The following EPHB2 variants were observed in gnomAD, a reference collection of about 807,000 sequenced individuals.
EPHB2 encodes the protein EPH receptor B2, also known as ephrin type-B receptor 2.
EPHB2 carries 18 observed loss-of-function variants against 96.4 expected under a neutral mutation model. The observed-to-expected ratio is 0.19, with a 90% CI of 0.13 to 0.28. The LOEUF (loss-of-function observed/expected upper bound fraction) is 0.28. EPHB2 is among the 10% of genes least tolerant of loss of function. The pLI is 1.00. For synonymous variants in EPHB2, 506 were observed against 534.1 expected, an observed-to-expected ratio of 0.95 and a Z score of 0.72; for missense variants, 989 against 1,355.4, an observed-to-expected ratio of 0.73 and a Z score of 4.25.
chr1:22,745,577 A>T (rs1408559765), intron 1 of EPHB2, among the ~76,000 whole-genome samples: 1 of 152,190 alleles, frequency 6.6e-6, no homozygotes, highest in Non-Finnish European at 1.5e-5. Context: ...TACCTCGATT[A>T]AAAAAAGCTT....
intron 1 of EPHB2, among the ~76,000 whole-genome samples, chr1:22,744,475 T>TAA (rs1643942176): frequency 6.8e-6 from 1 of 148,048 alleles, no homozygotes; most frequent in Non-Finnish European, 1.5e-5. Context: ...TATATATATA[T>TAA]AATATACTGT....
Position 22,914,302 on chromosome 1 carries a change from C to G in EPHB2, c.*732C>G, listed in dbSNP as rs1255806114. The G allele has an allele frequency of 5.8e-6, 1 of 172,084 alleles. No homozygotes were observed. The highest frequency in any genetic ancestry group is 2.4e-5 in the African/African-American group (1 of 41,646). 10.7% of individuals were successfully genotyped at this position (172,084 alleles called of 1,614,324 possible). A position where few individuals can be genotyped will look rare whatever the true frequency, so the allele number is the denominator to read the frequency against. ...CAGCCTTCCTGAGGATGGGCAACCC[C>G]CAGGTCTGCAGCTCCAGGTACATAT... On this transcript the variant is annotated 3_prime_UTR_variant, in exon 16 of 16. Coordinates refer to ENST00000374630, the MANE Select transcript of EPHB2 (RefSeq NM_017449.5).
intron 1 of EPHB2, among the ~76,000 whole-genome samples, chr1:22,777,687 G>A (rs1372520745): frequency 6.6e-6 from 1 of 152,202 alleles, no homozygotes; most frequent in East Asian, 1.9e-4. Flanking sequence ...CTGTAGCCAC[G>A]GAGCAAGAGA....
At chr1:22,802,292 A>T (rs1423430356) in intron 3 of EPHB2, among the ~76,000 whole-genome samples, 1 of 151,954 alleles carries the variant, frequency 6.6e-6, no homozygotes, top group Non-Finnish European at 1.5e-5. Context: ...CTGTGTCTAC[A>T]GTGGAGTGGG....
chr1:22,754,085 T>C (rs1396701314), intron 1 of EPHB2, among the ~76,000 whole-genome samples: 4 of 152,190 alleles, frequency 2.6e-5, no homozygotes, highest in Non-Finnish European at 2.9e-5. Context: ...CTGAGTGTTC[T>C]GTGGGCTCCT....
intron 3 of EPHB2, among the ~76,000 whole-genome samples, chr1:22,831,886 C>T (rs1212849113): frequency 2.0e-5 from 3 of 152,238 alleles, no homozygotes; most frequent in South Asian, 2.1e-4. Context: ...GAGCTATCCA[C>T]CCCCCTACCT....
chr1:22,743,674 C>T (rs941932067), intron 1 of EPHB2, among the ~76,000 whole-genome samples: 1 of 151,884 alleles, frequency 6.6e-6, no homozygotes, highest in Non-Finnish European at 1.5e-5. Flanking sequence ...GGTTTCACCA[C>T]GTTGGCCAGG....
intron 1 of EPHB2, among the ~76,000 whole-genome samples, chr1:22,779,344 G>A (rs894644078): frequency 6.6e-5 from 10 of 152,220 alleles, no homozygotes; most frequent in South Asian, 4.2e-4. Flanking sequence ...AGTGCAAAGG[G>A]ACACAGTGAC....
rs547500336 is a variant in EPHB2, at chr1:22,781,408, G to C, written c.62-13G>C. 1.9e-6 allele frequency: 3 copies of C among 1,613,508 alleles called. No individual in the cohort carries two copies. In the African/African-American group the frequency reaches 4.0e-5, roughly 22 times the overall value. Reference sequence around the variant, plus strand: ...AGGTGGGGCGGGGTGGTGACTCTTTGCTCTCCCCACAGAAACGCTAATGGA... The same window carrying C: ...AGGTGGGGCGGGGTGGTGACTCTTTCCTCTCCCCACAGAAACGCTAATGGA... On this transcript the variant is annotated splice_polypyrimidine_tract_variant and intron_variant, in intron 1 of 15. Coordinates refer to ENST00000374630, the MANE Select transcript of EPHB2 (RefSeq NM_017449.5).
chr1:22,727,852 A>C (rs1252001090), intron 1 of EPHB2, among the ~76,000 whole-genome samples: 1 of 148,076 alleles, frequency 6.8e-6, no homozygotes, highest in East Asian at 2.0e-4. Flanking sequence ...TGTATTGCCC[A>C]GGCTGGTCTT....
At chr1:22,712,980 G>GC (rs898168161) in intron 1 of EPHB2, among the ~76,000 whole-genome samples, 3 of 152,130 alleles carry the variant, frequency 2.0e-5, no homozygotes, top group African/African-American at 7.2e-5. Context: ...AGATGGAAGG[G>GC]CCACATCTGT....
Position 22,858,683 on chromosome 1 carries a change from G to A in EPHB2, c.812-4354G>A, listed in dbSNP as rs1557717095. On this transcript the variant is annotated intron_variant, in intron 3 of 15. Coordinates refer to ENST00000374630, the MANE Select transcript of EPHB2 (RefSeq NM_017449.5). This position sits in a 1 kb window ranked among gnomAD's most constrained non-coding sequence, Gnocchi z 7.7. ...TGGTGTGGCCCCCCGGGCACTGTGG[G>A]CAGTGGCCACCCAGACCTCTCAGAG... Among the ~76,000 whole-genome samples the A allele has an allele frequency of 6.6e-6, 1 of 152,156 alleles. No homozygotes were observed. The highest frequency in any genetic ancestry group is 2.4e-5 in the African/African-American group (1 of 41,428).
At chr1:22,862,388 C>T (rs1326616360) in intron 3 of EPHB2, among the ~76,000 whole-genome samples, 1 of 152,176 alleles carries the variant, frequency 6.6e-6, no homozygotes, top group Non-Finnish European at 1.5e-5. Flanking sequence ...TGCCATGGGC[C>T]TTACGCTTAA....
At chr1:22,815,431 CT>C (rs1645061483) in intron 3 of EPHB2, among the ~76,000 whole-genome samples, 1 of 152,254 alleles carries the variant, frequency 6.6e-6, no homozygotes, top group South Asian at 2.1e-4. Context: ...CAGAGGAAGC[CT>C]GGCTGGACCC....
At chr1:22,756,723 A>G (rs1211614566) in intron 1 of EPHB2, among the ~76,000 whole-genome samples, 1 of 152,166 alleles carries the variant, frequency 6.6e-6, no homozygotes, top group Non-Finnish European at 1.5e-5. Context: ...CCCCAGAACA[A>G]GGCGGCACCT....
intron 3 of EPHB2, among the ~76,000 whole-genome samples, chr1:22,809,255 T>G (rs1281739117): frequency 2.0e-5 from 3 of 152,190 alleles, no homozygotes; most frequent in Admixed American, 2.0e-4. Flanking sequence ...ATTAACGAGC[T>G]GCTCCCCGGC....
chr1:22,821,893 G>A (rs1350554083), intron 3 of EPHB2, among the ~76,000 whole-genome samples: 9 of 152,196 alleles, frequency 5.9e-5, no homozygotes, highest in Non-Finnish European at 1.5e-5. Flanking sequence ...AGTGAATGTG[G>A]TTACTGGTAC....
At chr1:22,767,480 T>G (rs1161430212) in intron 1 of EPHB2, among the ~76,000 whole-genome samples, 10 of 152,232 alleles carry the variant, frequency 6.6e-5, no homozygotes, top group Admixed American at 6.5e-4. Flanking sequence ...TGCCTTGGTT[T>G]ACTTATCTGC....
intron 3 of EPHB2, among the ~76,000 whole-genome samples, chr1:22,794,765 C>G (rs1644743479): frequency 6.6e-6 from 1 of 152,150 alleles, no homozygotes; most frequent in Admixed American, 6.5e-5. Context: ...CTGCACTGTC[C>G]TCTCTCGGCC....
Sources: allele counts gnomAD v4.1 joint callset (sites outside exome capture counted in the v4.1 genomes callset), GRCh38; gene constraint gnomAD v4.1.1; non-coding constraint Gnocchi (gnomAD v3.1); transcripts MANE v1.5; gene names NCBI Gene and HGNC (gene_info 2026-07-23, HGNC 2026-07-21).